JPH1: variants seen among roughly 807,000 people sequenced by gnomAD.
JPH1 encodes the protein junctophilin 1, also known as junctophilin-1.
JPH1 carries 12 observed loss-of-function variants against 53.6 expected under a neutral mutation model. The ratio of observed to expected loss-of-function variants is 0.22; its 90% confidence interval spans 0.14 to 0.36. JPH1 has a LOEUF of 0.36. Ranked by LOEUF, JPH1 falls within the 10% of genes least tolerant of loss-of-function variation. JPH1 has a pLI of 1.00. For synonymous variants in JPH1, 375 were observed against 363.8 expected (o/e 1.03, Z -0.35); for missense variants, 808 against 905.5 (o/e 0.89, Z 1.38).
At chr8:74,273,743 C>T (rs964460849) in intron 2 of JPH1, among the ~76,000 whole-genome samples, 3 of 152,106 alleles carry the variant, frequency 2.0e-5, no homozygotes, top group Non-Finnish European at 4.4e-5. Flanking sequence ...AATTCAGTAA[C>T]CCGATTTTAT....
chr8:74,263,807 T>G (rs564370972), intron 2 of JPH1, among the ~76,000 whole-genome samples: 1 of 142,424 alleles, frequency 7.0e-6, no homozygotes, highest in South Asian at 2.3e-4. Flanking sequence ...GGTAAGAAAA[T>G]GCAAAAAATA....
At position 74,259,403 on chromosome 8, in the gene JPH1, G is replaced by T. The variant is rs1184973017; in HGVS notation, c.1240C>A (p.Pro414Thr). 1 of 1,613,700 alleles carries T rather than the reference G, an allele frequency of 6.2e-7. No homozygotes were observed. Among genetic ancestry groups the T allele is most frequent in the Non-Finnish European group, 8.5e-7 (1 of 1,179,728 alleles). Residue 414 changes from proline to threonine, a missense_variant, in exon 3 of 6, where the codon CCT (proline) becomes ACT (threonine). Transcript: ENST00000342232. ...IARAVARELS[P>T]DFYQPGPDYV... ...GTTTTACCTGGTTGGTAGAAATCAGGTGACAGCTCCCTGGCCACAGCTCTC... is the reference window on the plus strand; with the variant it reads ...GTTTTACCTGGTTGGTAGAAATCAGTTGACAGCTCCCTGGCCACAGCTCTC...
chr8:74,312,719 GTTTC>G (rs945586086), intron 2 of JPH1, among the ~76,000 whole-genome samples: 1 of 152,164 alleles, frequency 6.6e-6, no homozygotes, highest in African/African-American at 2.4e-5. Flanking sequence ...TTTACTCTAT[GTTTC>G]TATGAGTTTG....
intron 1 of JPH1, among the ~76,000 whole-genome samples, chr8:74,316,961 A>G (rs1808176952): frequency 6.6e-6 from 1 of 152,246 alleles, no homozygotes; most frequent in African/African-American, 2.4e-5. Flanking sequence ...TATTCATAAC[A>G]ATTCACAATG....
At chr8:74,304,864 C>T (rs1296983345) in intron 2 of JPH1, among the ~76,000 whole-genome samples, 4 of 152,198 alleles carry the variant, frequency 2.6e-5, no homozygotes, top group African/African-American at 9.6e-5. Flanking sequence ...TTTTGGCCCA[C>T]ATGGAAGTCC....
intron 2 of JPH1, among the ~76,000 whole-genome samples, chr8:74,261,075 T>C (rs1184144074): frequency 2.0e-5 from 3 of 151,878 alleles, no homozygotes; most frequent in Non-Finnish European, 4.4e-5. Context: ...AGATTCAGAG[T>C]TGCTAAGAGT....
In JPH1 at chr8:74,315,972, A is replaced by G. The variant is rs1808146237; in HGVS notation, c.380-352T>C. On this transcript the variant is annotated intron_variant, in intron 1 of 5. Coordinates refer to ENST00000342232, the MANE Select transcript of JPH1 (RefSeq NM_020647.4). This position sits in a 1 kb window ranked among gnomAD's most constrained non-coding sequence, Gnocchi z 6.3. ...ATCAAAAATTCCTCTTGGGAAGAAGACAAGGAAACAGTAGAAGATGAAATG... is the reference window on the plus strand; with the variant it reads ...ATCAAAAATTCCTCTTGGGAAGAAGGCAAGGAAACAGTAGAAGATGAAATG... 6.6e-6 allele frequency among the ~76,000 whole-genome samples: 1 copy of G among 152,232 alleles called. No individual in the cohort carries two copies. Among genetic ancestry groups the G allele is most frequent in the South Asian group, 2.1e-4 (1 of 4,828 alleles).
At chr8:74,318,800 A>G (rs1278748838) in intron 1 of JPH1, among the ~76,000 whole-genome samples, 1 of 152,182 alleles carries the variant, frequency 6.6e-6, no homozygotes, top group Non-Finnish European at 1.5e-5. Flanking sequence ...CTAATTTTTT[A>G]GTGATATTCC....
At chr8:74,297,831 T>A (rs367688559) in intron 2 of JPH1, among the ~76,000 whole-genome samples, 1 of 152,248 alleles carries the variant, frequency 6.6e-6, no homozygotes, top group Non-Finnish European at 1.5e-5. Context: ...ATCTAGATAG[T>A]GTGATGACTA....
At chr8:74,304,665 T>C (rs200392743) in intron 2 of JPH1, among the ~76,000 whole-genome samples, 5 of 264 alleles carry the variant, frequency 0.019, no homozygotes, top group African/African-American at 0.054. Flanking sequence ...ATTGATAGGG[T>C]TTCTAGACCA....
intron 2 of JPH1, among the ~76,000 whole-genome samples, chr8:74,310,233 G>T (rs1486275473): frequency 2.0e-5 from 3 of 150,926 alleles, no homozygotes; most frequent in Admixed American, 2.0e-4. Context: ...TAGCTTCTAG[G>T]TACACTCATT....
chr8:74,285,739 C>G (rs1265279879), intron 2 of JPH1, among the ~76,000 whole-genome samples: 1 of 152,154 alleles, frequency 6.6e-6, no homozygotes, highest in East Asian at 1.9e-4. Flanking sequence ...TGTTGCTTTT[C>G]TAAAATCCAG....
chr8:74,290,631 T>C (rs190032990), intron 2 of JPH1, among the ~76,000 whole-genome samples: 12 of 152,310 alleles, frequency 7.9e-5, no homozygotes, highest in Middle Eastern at 3.4e-3. Flanking sequence ...AAAAAACTAC[T>C]TTAAAGTTCA....
chr8:74,310,327 C>T (rs988836656), intron 2 of JPH1, among the ~76,000 whole-genome samples: 1 of 151,598 alleles, frequency 6.6e-6, no homozygotes, highest in Non-Finnish European at 1.5e-5. Context: ...TTCTCAATCC[C>T]AGATGGTGAT....
rs534932807 is a variant in JPH1 at position 74,296,105 on chromosome 8, C to T, written c.1139+18756G>A. ...CCGATTAAATCTTAGCCTAATACTG[C>T]CTATTCTAAATCTCCAAGGAAGAAT... is the stretch of plus-strand genomic sequence containing the variant. On this transcript the variant is annotated intron_variant, in intron 2 of 5. Coordinates refer to ENST00000342232, the MANE Select transcript of JPH1 (RefSeq NM_020647.4). Among the ~76,000 whole-genome samples, 5 of 150,974 alleles carry T rather than the reference C, an allele frequency of 3.3e-5. No homozygotes were observed. The East Asian group carries it at 9.8e-4, about 29-fold the overall frequency.
intron 4 of JPH1, 53 bp from the exon 5 acceptor site, chr8:74,237,356 A>T: frequency 7.3e-7 from 1 of 1,374,178 alleles, no homozygotes; most frequent in Non-Finnish European, 1.0e-6. Flanking sequence ...TAATATCAAG[A>T]TATTACCAAA....
At chr8:74,256,212 A>AT (rs1197439461) in intron 3 of JPH1, among the ~76,000 whole-genome samples, 1 of 152,198 alleles carries the variant, frequency 6.6e-6, no homozygotes, top group Non-Finnish European at 1.5e-5. Context: ...CTATGCAGCC[A>AT]TAAAAAATGA....
At position 74,241,554 on chromosome 8, in the gene JPH1, C is replaced by CT. The variant is rs201068966; in HGVS notation, c.1905+2974dup. ...AAGAAATCCTAACTCAAAAAATTAT[C>CT]TTTTTTTCCTTTAAGAGATTGTCAC... On this transcript the variant is annotated intron_variant, in intron 4 of 5. Transcript: ENST00000342232. 9.6e-3 allele frequency among the ~76,000 whole-genome samples: 1,468 copies of CT among 152,144 alleles called. 17 individuals are homozygous for CT. The highest frequency in any genetic ancestry group is 0.016 in the Non-Finnish European group (1,069 of 67,986).
intron 2 of JPH1, among the ~76,000 whole-genome samples, chr8:74,283,703 C>T (rs1019855088): frequency 7.2e-5 from 11 of 152,186 alleles, no homozygotes; most frequent in African/African-American, 1.9e-4. Flanking sequence ...CTTTTAACAG[C>T]GTGCTGAGTG....
Sources: gnomAD v4.1 joint callset for allele counts (sites outside exome capture counted in the v4.1 genomes callset) on GRCh38, gnomAD v4.1.1 for gene constraint, Gnocchi (gnomAD v3.1) non-coding constraint, MANE v1.5 for transcripts, NCBI Gene and HGNC (gene_info 2026-07-23, HGNC 2026-07-21) for gene names.